The following NREP variants were observed in gnomAD, a reference collection of about 807,000 sequenced individuals.
The protein encoded by NREP is neuronal regeneration-related protein.
In NREP, 5 loss-of-function variants were observed where a neutral mutation model predicts 8.6. That is an observed-to-expected ratio of 0.58 (90% confidence interval 0.30 to 1.22). The LOEUF is 1.22. NREP is among the 50% of genes most tolerant of loss of function. The pLI is 0.07. For missense variants in NREP, 86 were observed against 82.5 expected (o/e 1.04, Z -0.17); for synonymous variants, 27 against 28.0 (o/e 0.96, Z 0.11).
intron 2 of NREP, among the ~76,000 whole-genome samples, chr5:111,809,614 T>G (rs1752223151): frequency 6.6e-6 from 1 of 152,118 alleles, no homozygotes; most frequent in African/African-American, 2.4e-5. Flanking sequence ...TTTTGCCTCT[T>G]CTCATGTATC....
At chr5:111,928,388 G>A (rs566214202) in intron 2 of NREP, among the ~76,000 whole-genome samples, 2 of 151,790 alleles carry the variant, frequency 1.3e-5, no homozygotes, top group Non-Finnish European at 2.9e-5. Flanking sequence ...GACAAATAAG[G>A]TTCTCAGTTT....
At chr5:111,764,858 T>C (rs1307690494) in intron 2 of NREP, among the ~76,000 whole-genome samples, 1 of 152,206 alleles carries the variant, frequency 6.6e-6, no homozygotes, top group African/African-American at 2.4e-5. Flanking sequence ...ATTATGAAGG[T>C]GCTTGCATTT....
intron 3 of NREP, among the ~76,000 whole-genome samples, chr5:111,731,434 A>AAC (rs1447978396): frequency 6.6e-6 from 1 of 151,722 alleles, no homozygotes; most frequent in East Asian, 1.9e-4. Context: ...TAATTATAAA[A>AAC]AAAAAAAAAA....
intron 2 of NREP, among the ~76,000 whole-genome samples, chr5:111,769,539 G>C (rs1751167779): frequency 6.6e-6 from 1 of 152,186 alleles, no homozygotes; most frequent in African/African-American, 2.4e-5. Context: ...AAGATATTGG[G>C]GGAGTGGGGT....
intron 2 of NREP, among the ~76,000 whole-genome samples, chr5:111,881,610 C>G (rs1238927674): frequency 6.6e-6 from 1 of 152,150 alleles, no homozygotes; most frequent in Non-Finnish European, 1.5e-5. Flanking sequence ...CCTCACACGA[C>G]CGGGTACTCC....
chr5:111,751,174 T>C (rs1750338144), intron 2 of NREP, among the ~76,000 whole-genome samples: 1 of 152,196 alleles, frequency 6.6e-6, no homozygotes, highest in South Asian at 2.1e-4. Context: ...CTATATGAAG[T>C]TTATAAAACC....
intron 2 of NREP, among the ~76,000 whole-genome samples, chr5:111,765,228 G>T (rs983308797): frequency 6.6e-6 from 1 of 152,108 alleles, no homozygotes; most frequent in Non-Finnish European, 1.5e-5. Context: ...TCACAGTAGG[G>T]TTCACAGTCC....
intron 2 of NREP, among the ~76,000 whole-genome samples, chr5:111,818,965 C>G (rs940484617): frequency 6.6e-6 from 1 of 152,096 alleles, no homozygotes; most frequent in African/African-American, 2.4e-5. Flanking sequence ...AGAGTTGATT[C>G]CCATTATTTA....
At chr5:111,771,763 C>T (rs1427832481) in intron 2 of NREP, among the ~76,000 whole-genome samples, 4 of 63,106 alleles carry the variant, frequency 6.3e-5, no homozygotes, top group Non-Finnish European at 1.4e-4. Context: ...AACTCCATCT[C>T]AAAAAAAAAA....
At chr5:111,843,490 C>A (rs1753083555) in intron 2 of NREP, among the ~76,000 whole-genome samples, 1 of 151,996 alleles carries the variant, frequency 6.6e-6, no homozygotes, top group South Asian at 2.1e-4. Context: ...TTGTAGCTCA[C>A]TGAGCTTCAT....
chr5:111,797,998 C>A (rs191883218), intron 2 of NREP, among the ~76,000 whole-genome samples: 4 of 152,128 alleles, frequency 2.6e-5, no homozygotes, highest in African/African-American at 9.7e-5. Context: ...TTGTAGCTCT[C>A]AGACATAGTT....
intron 2 of NREP, among the ~76,000 whole-genome samples, chr5:111,767,311 A>G (rs934968720): frequency 3.3e-5 from 5 of 152,156 alleles, no homozygotes; most frequent in South Asian, 2.1e-4. Context: ...AAAAAATCTT[A>G]TTAGTTTCCG....
intron 2 of NREP, among the ~76,000 whole-genome samples, chr5:111,777,580 G>T (rs780878947): frequency 1.3e-5 from 2 of 152,034 alleles, no homozygotes. Context: ...CAATGCTTCA[G>T]TGTAGTTGCA....
At chr5:111,763,769 T>G (rs1751019114) in intron 2 of NREP, among the ~76,000 whole-genome samples, 1 of 152,232 alleles carries the variant, frequency 6.6e-6, no homozygotes, top group Non-Finnish European at 1.5e-5. Context: ...TGTGTGTGTG[T>G]GTGTGTTTGT....
chr5:111,781,842 T>C (rs2112883818), intron 2 of NREP, among the ~76,000 whole-genome samples: 1 of 152,164 alleles, frequency 6.6e-6, no homozygotes, highest in Non-Finnish European at 1.5e-5. Flanking sequence ...GGGGAAGAAA[T>C]TGGTTCATCT....
chr5:111,863,291 T>C (rs1372038296), intron 2 of NREP, among the ~76,000 whole-genome samples: 1 of 152,044 alleles, frequency 6.6e-6, no homozygotes, highest in Non-Finnish European at 1.5e-5. Context: ...TCTCTTTGGG[T>C]GGTCTTCCAT....
intron 2 of NREP, among the ~76,000 whole-genome samples, chr5:111,911,138 C>T (rs759650910): frequency 1.3e-5 from 2 of 152,012 alleles, no homozygotes; most frequent in African/African-American, 4.8e-5. Context: ...ACCCAGCAAT[C>T]TGGATATCAC....
intron 2 of NREP, among the ~76,000 whole-genome samples, chr5:111,797,477 T>C (rs1265469072): frequency 1.3e-5 from 2 of 152,234 alleles, no homozygotes; most frequent in African/African-American, 4.8e-5. Context: ...TATCATGTTC[T>C]GCATGATTTG....
intron 2 of NREP, among the ~76,000 whole-genome samples, chr5:111,953,400 T>C (rs1327881163): frequency 6.6e-6 from 1 of 152,116 alleles, no homozygotes; most frequent in East Asian, 1.9e-4. Context: ...GCTATAACTT[T>C]TTTTCCCAAA....
Sources: gnomAD v4.1 joint callset for allele counts (sites outside exome capture counted in the v4.1 genomes callset) on GRCh38, gnomAD v4.1.1 for gene constraint, MANE v1.5 for transcripts, NCBI Gene and HGNC (gene_info 2026-07-23, HGNC 2026-07-21) for gene names.